The following SLC39A11 variants were observed in gnomAD, a reference collection of about 807,000 sequenced individuals.
SLC39A11 encodes the protein zinc transporter ZIP11.
A neutral mutation model predicts 36.1 loss-of-function variants in SLC39A11; 33 were observed. That is an observed-to-expected ratio of 0.91 (90% CI 0.69 to 1.22). SLC39A11 has a LOEUF of 1.22. Ranked by LOEUF, SLC39A11 falls within the 50% of genes most tolerant of loss-of-function variation. The probability of loss-of-function intolerance (pLI) is 0.00; values close to 1 mark genes in which losing one functional copy is unlikely to be tolerated. For synonymous variants in SLC39A11, 166 were observed against 170.3 expected (o/e 0.97, Z 0.20); for missense variants, 432 against 430.3 (o/e 1.00, Z -0.03).
chr17:72,953,845 G>C (rs568742261), intron 4 of SLC39A11, among the ~76,000 whole-genome samples: 50 of 152,294 alleles, frequency 3.3e-4, no homozygotes, highest in Middle Eastern at 6.8e-3. Flanking sequence ...GTCTGAGGAT[G>C]GCAAAACAAA....
chr17:72,984,292 A>G (rs1162508046), intron 4 of SLC39A11, among the ~76,000 whole-genome samples: 2 of 152,042 alleles, frequency 1.3e-5, no homozygotes, highest in Non-Finnish European at 2.9e-5. Context: ...ATGGGCACAG[A>G]AGTAGCCATG....
At chr17:72,902,296 A>G (rs1228496222) in intron 5 of SLC39A11, among the ~76,000 whole-genome samples, 5 of 152,058 alleles carry the variant, frequency 3.3e-5, no homozygotes, top group Non-Finnish European at 7.4e-5. Context: ...AGGAAAAAAA[A>G]AAAAGGAAGA....
chr17:73,068,394 C>A, intron 3 of SLC39A11: 2 of 455,560 alleles, frequency 4.4e-6, no homozygotes, highest in African/African-American at 2.0e-5. Context: ...TCACCAAAAG[C>A]AGAGAAGCAG....
At chr17:72,718,444 A>G (rs891686) in intron 7 of SLC39A11, among the ~76,000 whole-genome samples, 45,911 of 151,848 alleles carry the variant, frequency 0.3, 8,733 homozygotes, top group African/African-American at 0.53. Flanking sequence ...ATCTCAGGGG[A>G]AAAAAAGTGT....
chr17:72,949,144 C>CTTTTTTTTTTTT lies in SLC39A11; in HGVS notation c.307-1281_307-1270dup, dbSNP rs56036208. Among the ~76,000 whole-genome samples, 261 of 36,510 alleles carry CTTTTTTTTTTTT rather than the reference C, an allele frequency of 7.1e-3. 73 individuals are homozygous for CTTTTTTTTTTTT. The highest frequency in any genetic ancestry group is 0.038 in the Middle Eastern group (1 of 26). 24.0% of individuals were successfully genotyped at this position (36,510 alleles called of 152,430 possible). A position where few individuals can be genotyped will look rare whatever the true frequency, so the allele number is the denominator to read the frequency against. On this transcript the variant is annotated intron_variant, in intron 4 of 9. Transcript: ENST00000255559. ...AAATAAAATACCATACACTGGGCAG[C>CTTTTTTTTTTTT]TTTTTTTTTTTTTTTTTTTTTTTTT... is the stretch of plus-strand genomic sequence containing the variant.
intron 4 of SLC39A11, among the ~76,000 whole-genome samples, chr17:72,965,480 G>A (rs756363012): frequency 4.6e-5 from 7 of 152,274 alleles, no homozygotes; most frequent in Admixed American, 1.3e-4. Flanking sequence ...ACAATATTCT[G>A]TAAGTTTCAT....
intron 5 of SLC39A11, among the ~76,000 whole-genome samples, chr17:72,875,168 A>C (rs540294715): frequency 1.3e-5 from 2 of 152,380 alleles, no homozygotes; most frequent in African/African-American, 4.8e-5. Context: ...GGAGGAAGTC[A>C]CAAGAAATGT....
chr17:72,933,570 A>G (rs1345242846), intron 5 of SLC39A11, among the ~76,000 whole-genome samples: 1 of 152,170 alleles, frequency 6.6e-6, no homozygotes, highest in African/African-American at 2.4e-5. Flanking sequence ...CCCAAGCCAG[A>G]GTGCAGGGGT....
chr17:72,968,238 A>C (rs1173967251), intron 4 of SLC39A11, among the ~76,000 whole-genome samples: 2 of 152,206 alleles, frequency 1.3e-5, no homozygotes, highest in Non-Finnish European at 2.9e-5. Flanking sequence ...ATTTAAAAGG[A>C]AGGCATCTGC....
intron 7 of SLC39A11, among the ~76,000 whole-genome samples, chr17:72,678,751 T>C (rs2071388246): frequency 6.6e-6 from 1 of 151,970 alleles, no homozygotes; most frequent in African/African-American, 2.4e-5. Context: ...CATGAAGCAG[T>C]TTAGGGATTC....
intron 4 of SLC39A11, among the ~76,000 whole-genome samples, chr17:72,975,308 G>A (rs1455190980): frequency 2.0e-5 from 3 of 152,130 alleles, no homozygotes; most frequent in Non-Finnish European, 4.4e-5. Context: ...GTGTGGTGGT[G>A]CATGCCTATA....
chr17:73,088,576 A>C, intron 2 of SLC39A11, 81 bp downstream of exon 2: 8 of 1,153,734 alleles, frequency 6.9e-6, no homozygotes, highest in Admixed American at 2.0e-5. Flanking sequence ...AAAGTCTACA[A>C]ACCTGCTCCA....
intron 6 of SLC39A11, among the ~76,000 whole-genome samples, chr17:72,836,260 GA>G (rs1463800115): frequency 1.3e-5 from 2 of 152,028 alleles, no homozygotes; most frequent in Admixed American, 6.6e-5. Flanking sequence ...GGGAAGAAAA[GA>G]AACACAGAGC....
At chr17:73,014,017 T>C (rs1255192101) in intron 4 of SLC39A11, among the ~76,000 whole-genome samples, 1 of 152,144 alleles carries the variant, frequency 6.6e-6, no homozygotes, top group Non-Finnish European at 1.5e-5. Flanking sequence ...ATAAATCAGA[T>C]GTGAACGCAC....
intron 6 of SLC39A11, among the ~76,000 whole-genome samples, chr17:72,747,126 G>A (rs2074971639): frequency 6.6e-6 from 1 of 152,132 alleles, no homozygotes; most frequent in African/African-American, 2.4e-5. Context: ...TTGGGGACAG[G>A]GTGTGCCCAC....
chr17:73,033,972 C>G (rs367957696), intron 3 of SLC39A11, among the ~76,000 whole-genome samples: 10 of 152,294 alleles, frequency 6.6e-5, no homozygotes, highest in African/African-American at 2.4e-4. Flanking sequence ...GCCTCCAAAA[C>G]TCTAAGAATG....
At chr17:72,746,515 C>T (rs150166153) in intron 6 of SLC39A11, among the ~76,000 whole-genome samples, 6 of 152,118 alleles carry the variant, frequency 3.9e-5, no homozygotes, top group African/African-American at 1.4e-4. Flanking sequence ...CTTTGGGAGG[C>T]CAAGGTGGGT....
chr17:72,710,626 T>G (rs959622534), intron 7 of SLC39A11, among the ~76,000 whole-genome samples: 8 of 152,116 alleles, frequency 5.3e-5, no homozygotes, highest in African/African-American at 1.9e-4. Flanking sequence ...AGAAATAAAT[T>G]TCAACTATTC....
At chr17:72,926,907 C>T (rs2084081713) in intron 5 of SLC39A11, among the ~76,000 whole-genome samples, 1 of 152,052 alleles carries the variant, frequency 6.6e-6, no homozygotes, top group African/African-American at 2.4e-5. Context: ...CTTCTGTTCA[C>T]AGATAAATGC....
Sources: allele counts gnomAD v4.1 joint callset (sites outside exome capture counted in the v4.1 genomes callset), GRCh38; gene constraint gnomAD v4.1.1; transcripts MANE v1.5; gene names NCBI Gene and HGNC (gene_info 2026-07-23, HGNC 2026-07-21).